CERS6: variants seen among roughly 807,000 people sequenced by gnomAD.
CERS6 encodes LAG1 homolog, ceramide synthase 6.
A neutral mutation model predicts 56.8 loss-of-function variants in CERS6; 26 were observed. That is an observed-to-expected ratio of 0.46 (90% confidence interval 0.34 to 0.63). The LOEUF is 0.63. Ranked by LOEUF, CERS6 falls within the 30% of genes least tolerant of loss-of-function variation. The probability of loss-of-function intolerance (pLI) is 0.01; values close to 1 mark genes in which losing one functional copy is unlikely to be tolerated. For missense variants in CERS6, 415 were observed against 467.5 expected, an observed-to-expected ratio of 0.89 and a Z score of 1.04; for synonymous variants, 164 against 173.3, an observed-to-expected ratio of 0.95 and a Z score of 0.42.
chr2:168,502,610 A>G (rs768615482), intron 1 of CERS6, among the ~76,000 whole-genome samples: 5 of 152,176 alleles, frequency 3.3e-5, no homozygotes, highest in Admixed American at 6.5e-5. Flanking sequence ...TTTGTTTCTA[A>G]TAGACTGTCC....
At chr2:168,696,069 C>A (rs984595219) in intron 6 of CERS6, among the ~76,000 whole-genome samples, 4 of 152,168 alleles carry the variant, frequency 2.6e-5, no homozygotes, top group African/African-American at 7.2e-5. Flanking sequence ...GAAAACAGTT[C>A]TAATCCCAAG....
intron 6 of CERS6, among the ~76,000 whole-genome samples, chr2:168,699,298 G>T (rs1559057607): frequency 6.6e-6 from 1 of 152,146 alleles, no homozygotes; most frequent in East Asian, 1.9e-4. Context: ...GATGGGATAG[G>T]GATGTTTGAA....
chr2:168,708,054 CT>C (rs1278396374), intron 6 of CERS6, among the ~76,000 whole-genome samples: 1 of 152,040 alleles, frequency 6.6e-6, no homozygotes, highest in Admixed American at 6.6e-5. Context: ...TTTTGGTTTT[CT>C]TTGTTTAAGA....
chr2:168,462,874 T>A (rs1420763025), intron 1 of CERS6, among the ~76,000 whole-genome samples: 2 of 152,220 alleles, frequency 1.3e-5, no homozygotes, highest in African/African-American at 4.8e-5. Flanking sequence ...TTCTTGTTAC[T>A]AATGCTGTGG....
chr2:168,679,516 A>G (rs1686155325), intron 4 of CERS6, among the ~76,000 whole-genome samples: 1 of 152,244 alleles, frequency 6.6e-6, no homozygotes, highest in African/African-American at 2.4e-5. Context: ...GGTTGTTAAA[A>G]TAGAATTTCC....
chr2:168,715,037 A>G lies in CERS6; in HGVS notation c.646A>G (p.Ile216Val), dbSNP rs1347402652. 1.2e-5 allele frequency: 19 copies of G among 1,609,820 alleles called. No homozygotes were observed. Among genetic ancestry groups the G allele is most frequent in the Middle Eastern group, 3.3e-4 (2 of 6,066 alleles). ...TATGTTCCTGCACCACCTTGTATCT[A>G]TTTTCTTGATTACCTTTTCATATGT... Reference protein sequence around the residue: ...GIMFLHHLVSIFLITFSYVNN... With the variant: ...GIMFLHHLVSVFLITFSYVNN... The change falls in exon 7 of 10, where the codon ATT becomes GTT. Residue 216 changes from isoleucine (I) to valine (V), a missense_variant. Physicochemically the swap from Ile to Val is conservative, Grantham distance 29. Coordinates refer to ENST00000305747, the MANE Select transcript of CERS6 (RefSeq NM_203463.3).
chr2:168,690,909 G>A (rs897063140), intron 4 of CERS6, 125 bp from the exon 5 acceptor site: 2 of 768,634 alleles, frequency 2.6e-6, no homozygotes, highest in Non-Finnish European at 4.4e-6. Flanking sequence ...TTTAAAGTTT[G>A]TCAGTTCTCA....
chr2:168,617,265 C>T (rs1684340589), intron 3 of CERS6, among the ~76,000 whole-genome samples: 1 of 152,014 alleles, frequency 6.6e-6, no homozygotes, highest in African/African-American at 2.4e-5. Context: ...GCCCTAAATG[C>T]CTACATCAAA....
chr2:168,659,871 A>G (rs1237423356), intron 4 of CERS6, among the ~76,000 whole-genome samples: 2 of 152,124 alleles, frequency 1.3e-5, no homozygotes, highest in African/African-American at 4.8e-5. Context: ...AATTAATGCC[A>G]TTTTCTTTGT....
intron 4 of CERS6, among the ~76,000 whole-genome samples, chr2:168,666,400 G>T (rs536841541): frequency 1.3e-5 from 2 of 152,110 alleles, no homozygotes; most frequent in Admixed American, 1.3e-4. Flanking sequence ...CATATAATTG[G>T]AATCATACAA....
At chr2:168,504,898 G>T (rs1234904136) in intron 1 of CERS6, among the ~76,000 whole-genome samples, 1 of 152,152 alleles carries the variant, frequency 6.6e-6, no homozygotes, top group Non-Finnish European at 1.5e-5. Flanking sequence ...GTAATAGGTG[G>T]TGCTGAGTGA....
At chr2:168,765,327 TTTATG>T (rs1197111320) in intron 8 of CERS6, among the ~76,000 whole-genome samples, 2 of 152,200 alleles carry the variant, frequency 1.3e-5, no homozygotes. Flanking sequence ...GATGGTAAAT[TTTATG>T]TTATATTTAT....
chr2:168,643,267 A>T lies in CERS6; in HGVS notation c.465+12225A>T, dbSNP rs112556327. ...ATTAGTTTGATTTCTTGTGAATTAT[A>T]AAAAAAACTGTAAAAACAAAATCAC... On this transcript the variant is annotated intron_variant, in intron 4 of 9. Transcript: ENST00000305747. Among the ~76,000 whole-genome samples the T allele has an allele frequency of 9.7e-3, 1,469 of 152,188 alleles. 30 individuals carry two copies. Among genetic ancestry groups the T allele is most frequent in the African/African-American group, 0.033 (1,385 of 41,532 alleles).
chr2:168,590,884 A>G (rs1049671095), intron 3 of CERS6, among the ~76,000 whole-genome samples: 1 of 152,262 alleles, frequency 6.6e-6, no homozygotes, highest in Non-Finnish European at 1.5e-5. Flanking sequence ...GTGAATTACC[A>G]CAAACACTGA....
chr2:168,561,437 T>C (rs1230316047), intron 3 of CERS6, 115 bp downstream of exon 3: 3 of 1,167,788 alleles, frequency 2.6e-6, no homozygotes, highest in Non-Finnish European at 3.6e-6. Context: ...TGCAATCTGG[T>C]GGGAAAATAG....
intron 3 of CERS6, among the ~76,000 whole-genome samples, chr2:168,577,990 A>C (rs991338523): frequency 6.6e-6 from 1 of 152,124 alleles, no homozygotes; most frequent in Non-Finnish European, 1.5e-5. Context: ...ACAAGTCACT[A>C]TGTCCCAGTC....
At position 168,456,272 on chromosome 2, in the gene CERS6, G is replaced by C. The variant is rs1312121052; in HGVS notation, c.-177G>C. ...GCGCGGCCAGAGGGAGGAGAGAACCGGGGCTCGCCGCGAGCCTTCGAGAGC... is the reference window on the plus strand; with the variant it reads ...GCGCGGCCAGAGGGAGGAGAGAACCCGGGCTCGCCGCGAGCCTTCGAGAGC... On this transcript the variant is annotated 5_prime_UTR_variant, in exon 1 of 10. Coordinates refer to ENST00000305747, the MANE Select transcript of CERS6 (RefSeq NM_203463.3). This position sits in a 1 kb window ranked among gnomAD's most constrained non-coding sequence, Gnocchi z 4.1. 2.4e-5 allele frequency: 5 copies of C among 212,208 alleles called. No individual in the cohort carries two copies. The highest frequency in any genetic ancestry group is 1.5e-4 in the South Asian group (1 of 6,500). 13.1% of individuals were successfully genotyped at this position (212,208 alleles called of 1,614,324 possible).
At position 168,549,943 on chromosome 2, in the gene CERS6, C is replaced by T. The variant is rs116380511; in HGVS notation, c.276+2242C>T. 8.1e-3 allele frequency among the ~76,000 whole-genome samples: 1,229 copies of T among 152,084 alleles called. 6 individuals carry two copies. Among genetic ancestry groups the T allele is most frequent in the East Asian group, 0.015 (75 of 5,164 alleles). ...ATCATCCAGTATCCTGGCCTTACCACGGTTTGAGCTGCCTTTTTGTAGAAG... is the reference window on the plus strand; with the variant it reads ...ATCATCCAGTATCCTGGCCTTACCATGGTTTGAGCTGCCTTTTTGTAGAAG... On this transcript the variant is annotated intron_variant, in intron 2 of 9. Transcript: ENST00000305747.
At chr2:168,644,701 C>A (rs192578514) in intron 4 of CERS6, among the ~76,000 whole-genome samples, 10 of 152,188 alleles carry the variant, frequency 6.6e-5, no homozygotes, top group Admixed American at 2.6e-4. Context: ...GCAGGTAAAC[C>A]ATTTCCTCCT....
Sources: gnomAD v4.1 joint callset for allele counts (sites outside exome capture counted in the v4.1 genomes callset) on GRCh38, gnomAD v4.1.1 for gene constraint, Gnocchi (gnomAD v3.1) non-coding constraint, MANE v1.5 for transcripts, NCBI Gene and HGNC (gene_info 2026-07-23, HGNC 2026-07-21) for gene names.